DMD: variants seen among roughly 807,000 people sequenced by gnomAD.
DMD encodes dystrophin, also known as mutant dystrophin.
DMD carries 63 observed loss-of-function variants against 330.1 expected under a neutral mutation model. The observed-to-expected ratio is 0.19, with a 90% CI of 0.16 to 0.24. The LOEUF is 0.24. Among genes scored for constraint, DMD ranks in the 10% least tolerant of loss-of-function variants. DMD has a pLI of 1.00. For missense variants in DMD, 3,344 were observed against 2,684.1 expected, an observed-to-expected ratio of 1.25 and a Z score of -5.43; for synonymous variants, 1,223 against 959.8, an observed-to-expected ratio of 1.27 and a Z score of -5.07.
chrX:32,376,227 A>T (rs1317602507), intron 34 of DMD, among the ~76,000 whole-genome samples: 1 of 111,704 alleles, frequency 9.0e-6, no homozygotes. Context: ...GTGAGCCGAG[A>T]TCGGGCCATT....
In DMD at chrX:32,085,707, C is replaced by CGT. The variant is rs747815920; in HGVS notation, c.6439-117195_6439-117194dup. 2.0e-3 allele frequency among the ~76,000 whole-genome samples: 160 copies of CGT among 79,653 alleles called. 1 individual carries two copies. The highest frequency in any genetic ancestry group is 7.6e-3 in the African/African-American group (155 of 20,394). The allele number at this position is 79,653 out of a possible 115,157, so 69.2% of individuals were successfully genotyped here. On this transcript the variant is annotated intron_variant, in intron 44 of 78. Transcript: ENST00000357033. ...ATATATATACGTATATATACACACG[C>CGT]GTATATATATACACATACACTGATA...
chrX:33,165,442 A>G (rs1255537600), intron 1 of DMD, among the ~76,000 whole-genome samples: 1 of 111,652 alleles, frequency 9.0e-6, no homozygotes, highest in Non-Finnish European at 1.9e-5. Flanking sequence ...GTATCACGCT[A>G]TCCTTCTTGT....
At chrX:32,686,062 C>T (rs1454453112) in intron 9 of DMD, among the ~76,000 whole-genome samples, 1 of 111,573 alleles carries the variant, frequency 9.0e-6, no homozygotes, top group East Asian at 2.8e-4. Flanking sequence ...ATGGATTTAA[C>T]ACATGTATGA....
intron 1 of DMD, among the ~76,000 whole-genome samples, chrX:33,137,709 T>G (rs190723893): frequency 1.2e-4 from 13 of 111,866 alleles, no homozygotes; most frequent in African/African-American, 4.2e-4. Context: ...ATAAATAATA[T>G]GCATTCTGCA....
intron 32 of DMD, among the ~76,000 whole-genome samples, chrX:32,386,854 C>T (rs777430930): frequency 2.9e-4 from 32 of 109,823 alleles, no homozygotes; most frequent in Middle Eastern, 9.3e-3. Context: ...TAATTCACTC[C>T]TACATCGGGT....
At chrX:32,066,932 A>G (rs1006654321) in intron 44 of DMD, among the ~76,000 whole-genome samples, 2 of 111,619 alleles carry the variant, frequency 1.8e-5, no homozygotes, top group African/African-American at 6.5e-5. Flanking sequence ...CAAATCACCT[A>G]TAGTGGAAAT....
At chrX:32,305,016 T>C (rs1228970198) in intron 42 of DMD, among the ~76,000 whole-genome samples, 1 of 111,777 alleles carries the variant, frequency 8.9e-6, no homozygotes, top group East Asian at 2.8e-4. Flanking sequence ...TCCAATATTA[T>C]TAAATACCCC....
At chrX:32,056,313 C>A (rs1603623541) in intron 44 of DMD, among the ~76,000 whole-genome samples, 2 of 43,286 alleles carry the variant, frequency 4.6e-5, no homozygotes, top group African/African-American at 1.8e-4. Flanking sequence ...AAATAGAAAA[C>A]AATAGAAAAA....
intron 1 of DMD, among the ~76,000 whole-genome samples, chrX:33,187,977 A>G (rs1452369347): frequency 9.0e-6 from 1 of 111,448 alleles, no homozygotes; most frequent in Non-Finnish European, 1.9e-5. Context: ...TATACCATAG[A>G]TTTTTTCTAA....
chrX:32,305,630 T>G, intron 42 of DMD, among the ~76,000 whole-genome samples: 1 of 111,500 alleles, frequency 9.0e-6, no homozygotes, highest in Non-Finnish European at 1.9e-5. Context: ...AGTTCTACTC[T>G]CAACCCAGAA....
intron 44 of DMD, among the ~76,000 whole-genome samples, chrX:32,054,790 C>A (rs2096153095): frequency 1.1e-5 from 1 of 94,190 alleles, no homozygotes; most frequent in Non-Finnish European, 2.1e-5. Context: ...ATTATGTATT[C>A]TTTAATACCT....
At chrX:31,516,278 C>CA (rs72056571) in intron 55 of DMD, among the ~76,000 whole-genome samples, 2,825 of 51,682 alleles carry the variant, frequency 0.055, 83 homozygotes, top group African/African-American at 0.11. Context: ...AAAACAAGCG[C>CA]AAAAAAAAAA....
chrX:32,073,176 T>C (rs1024357335), intron 44 of DMD, among the ~76,000 whole-genome samples: 19 of 112,214 alleles, frequency 1.7e-4, no homozygotes, highest in African/African-American at 5.5e-4. Context: ...TTAGCTCCTT[T>C]ATCCAGTACT....
intron 44 of DMD, among the ~76,000 whole-genome samples, chrX:32,025,666 G>T (rs1337567016): frequency 8.9e-6 from 1 of 112,202 alleles, no homozygotes; most frequent in Non-Finnish European, 1.9e-5. Context: ...CAACTTAAAT[G>T]TAATTCTCTG....
At chrX:32,862,568 C>G (rs967463282) in intron 2 of DMD, among the ~76,000 whole-genome samples, 9 of 107,457 alleles carry the variant, frequency 8.4e-5, no homozygotes, top group South Asian at 4.2e-4. Flanking sequence ...TTCATTTTAC[C>G]AGGTATTCTA....
chrX:31,292,664 C>T (rs1438565481), intron 62 of DMD, among the ~76,000 whole-genome samples: 2 of 111,641 alleles, frequency 1.8e-5, no homozygotes, highest in African/African-American at 6.5e-5. Context: ...AAAGAATGTT[C>T]ATAGGAGGCC....
At chrX:32,684,692 A>G (rs7051113) in intron 9 of DMD, among the ~76,000 whole-genome samples, 16,592 of 110,669 alleles carry the variant, frequency 0.15, 2,926 homozygotes, top group African/African-American at 0.5. Context: ...TGTTTATATT[A>G]TATTTTTTTA....
intron 44 of DMD, among the ~76,000 whole-genome samples, chrX:32,202,958 A>C (rs2097047585): frequency 8.9e-6 from 1 of 111,905 alleles, no homozygotes; most frequent in Non-Finnish European, 1.9e-5. Flanking sequence ...TCATCCCCAA[A>C]AGCCTTTGCT....
At chrX:31,885,418 G>A (rs1056654100) in intron 47 of DMD, among the ~76,000 whole-genome samples, 4 of 109,714 alleles carry the variant, frequency 3.6e-5, no homozygotes, top group African/African-American at 1.3e-4. Flanking sequence ...AGACCATCCT[G>A]GCTAACACGG....
Sources: gnomAD v4.1 joint callset for allele counts (sites outside exome capture counted in the v4.1 genomes callset) on GRCh38, gnomAD v4.1.1 for gene constraint, MANE v1.5 for transcripts, NCBI Gene and HGNC (gene_info 2026-07-23, HGNC 2026-07-21) for gene names.